Variants in LDB2 observed in about 807,000 individuals in gnomAD.
LDB2 encodes the protein LIM domain binding 2.
In LDB2, 12 loss-of-function variants were observed where a neutral mutation model predicts 44.3. That is an observed-to-expected ratio of 0.27 (90% CI 0.17 to 0.44). The LOEUF (loss-of-function observed/expected upper bound fraction) is 0.44, where lower values mean the gene tolerates loss of function less well. Ranked by LOEUF, LDB2 falls within the 20% of genes least tolerant of loss-of-function variation. The probability of loss-of-function intolerance (pLI) is 1.00; values close to 1 mark genes in which losing one functional copy is unlikely to be tolerated. For missense variants in LDB2, 344 were observed against 473.5 expected (o/e 0.73, Z 2.54); for synonymous variants, 164 against 174.8 (o/e 0.94, Z 0.49).
chr4:16,554,805 G>C (rs1250119426), intron 5 of LDB2, among the ~76,000 whole-genome samples: 1 of 152,152 alleles, frequency 6.6e-6, no homozygotes, highest in Admixed American at 6.5e-5. Flanking sequence ...AAGATTTTTA[G>C]GGCAGTGAAA....
intron 5 of LDB2, among the ~76,000 whole-genome samples, chr4:16,560,941 A>T (rs1252360479): frequency 6.6e-6 from 1 of 152,240 alleles, no homozygotes; most frequent in Non-Finnish European, 1.5e-5. Flanking sequence ...GTAATCCAGC[A>T]TATAAACAGA....
chr4:16,885,732 G>A (rs573459547), intron 1 of LDB2, among the ~76,000 whole-genome samples: 13 of 152,224 alleles, frequency 8.5e-5, no homozygotes, highest in African/African-American at 3.1e-4. Context: ...GCTGCCTTTT[G>A]ACTCAGAAAT....
chr4:16,629,133 G>A (rs1731160569), intron 2 of LDB2, among the ~76,000 whole-genome samples: 1 of 152,196 alleles, frequency 6.6e-6, no homozygotes, highest in African/African-American at 2.4e-5. Flanking sequence ...GCTCAAACTG[G>A]GTAGAGCCCA....
At chr4:16,555,909 A>G (rs1560460194) in intron 5 of LDB2, among the ~76,000 whole-genome samples, 1 of 152,054 alleles carries the variant, frequency 6.6e-6, no homozygotes, top group Non-Finnish European at 1.5e-5. Context: ...CTATCACCCC[A>G]TGCTCCAGCC....
chr4:16,521,797 A>C (rs1252105369), intron 5 of LDB2, among the ~76,000 whole-genome samples: 2 of 152,160 alleles, frequency 1.3e-5, no homozygotes, highest in Non-Finnish European at 2.9e-5. Context: ...CTTTATAAGC[A>C]TATGCTATAT....
chr4:16,520,116 G>A (rs1725428252), intron 5 of LDB2, among the ~76,000 whole-genome samples: 1 of 151,874 alleles, frequency 6.6e-6, no homozygotes, highest in African/African-American at 2.4e-5. Flanking sequence ...CCACAGCCAG[G>A]TTTTTTCACC....
intron 2 of LDB2, among the ~76,000 whole-genome samples, chr4:16,704,813 A>AGAC (rs1754250003): frequency 6.6e-6 from 1 of 152,256 alleles, no homozygotes; most frequent in Non-Finnish European, 1.5e-5. Flanking sequence ...TGGAAGCCAC[A>AGAC]GACTGCTTGC....
chr4:16,666,093 G>A lies in LDB2; in HGVS notation c.236-70218C>T, dbSNP rs565704975. Among the ~76,000 whole-genome samples the A allele has an allele frequency of 6.6e-5, 10 of 152,146 alleles. No homozygotes were observed. In the East Asian group the frequency reaches 7.7e-4, roughly 12 times the overall value. On this transcript the variant is annotated intron_variant, in intron 2 of 7. Coordinates refer to ENST00000304523, the MANE Select transcript of LDB2 (RefSeq NM_001290.5). ...GAATTGTGAGAGAGTACATTTCTGC[G>A]GTTTTAAGCAGCCTGGATTGTGGTA...
chr4:16,758,725 T>C (rs752739762), intron 2 of LDB2, among the ~76,000 whole-genome samples: 10 of 152,136 alleles, frequency 6.6e-5, no homozygotes, highest in Non-Finnish European at 1.3e-4. Flanking sequence ...AATAAATACC[T>C]GAGATAATTG....
At chr4:16,862,064 G>C (rs986216905) in intron 1 of LDB2, among the ~76,000 whole-genome samples, 1 of 152,082 alleles carries the variant, frequency 6.6e-6, no homozygotes, top group Admixed American at 6.6e-5. Flanking sequence ...AAAGGACATC[G>C]AGGCTGCCAC....
chr4:16,801,009 C>G (rs143769050), intron 1 of LDB2, among the ~76,000 whole-genome samples: 1 of 152,298 alleles, frequency 6.6e-6, no homozygotes, highest in African/African-American at 2.4e-5. Flanking sequence ...CTGATCTTCT[C>G]ACTCCCCATG....
chr4:16,684,075 C>T (rs1553961082), intron 2 of LDB2, among the ~76,000 whole-genome samples: 2 of 152,204 alleles, frequency 1.3e-5, no homozygotes, highest in Admixed American at 6.5e-5. Context: ...CTGGCAGCAA[C>T]TACTTTCCTC....
chr4:16,862,852 C>A (rs1713168753), intron 1 of LDB2, among the ~76,000 whole-genome samples: 1 of 152,044 alleles, frequency 6.6e-6, no homozygotes, highest in African/African-American at 2.4e-5. Flanking sequence ...CCCCGAAGTC[C>A]AGCAAATTTG....
intron 1 of LDB2, among the ~76,000 whole-genome samples, chr4:16,847,928 T>C (rs997162232): frequency 6.6e-6 from 1 of 152,210 alleles, no homozygotes; most frequent in Admixed American, 6.5e-5. Flanking sequence ...ACACATTTTT[T>C]AAAGTAATAT....
rs534896595 is a variant in LDB2 at position 16,541,426 on chromosome 4, CTA to C, written c.616-29324_616-29323del. ...CTCAGAAGCCAAGCAGATGCCAACA[CTA>C]TGTTTTCTCTACAGCCTGCAGAACC... On this transcript the variant is annotated intron_variant, in intron 5 of 7. Transcript: ENST00000304523. Among the ~76,000 whole-genome samples, 25 of 152,284 alleles carry C rather than the reference CTA, an allele frequency of 1.6e-4. 1 individual carries two copies. The South Asian group carries it at 4.4e-3, about 27-fold the overall frequency.
chr4:16,660,800 T>C (rs35824712), intron 2 of LDB2, among the ~76,000 whole-genome samples: 2,695 of 152,290 alleles, frequency 0.018, 32 homozygotes, highest in Non-Finnish European at 0.031. Context: ...AGAAGGACAC[T>C]GTAAGATTAG....
At chr4:16,514,423 C>G (rs1722899939) in intron 5 of LDB2, among the ~76,000 whole-genome samples, 1 of 152,186 alleles carries the variant, frequency 6.6e-6, no homozygotes, top group Non-Finnish European at 1.5e-5. Context: ...ATAATAGAGA[C>G]AGCAAGACTT....
intron 2 of LDB2, among the ~76,000 whole-genome samples, chr4:16,755,701 CT>C (rs1766493079): frequency 2.0e-5 from 3 of 152,138 alleles, no homozygotes; most frequent in Admixed American, 2.0e-4. Flanking sequence ...TACTGACCTG[CT>C]GCCAGGGAAT....
intron 1 of LDB2, among the ~76,000 whole-genome samples, chr4:16,873,963 C>T (rs146882388): frequency 2.6e-5 from 4 of 152,236 alleles, no homozygotes; most frequent in African/African-American, 9.6e-5. Context: ...TTTTGAGGCT[C>T]GTCCACGCTG....
Sources: allele counts gnomAD v4.1 joint callset (sites outside exome capture counted in the v4.1 genomes callset), GRCh38; gene constraint gnomAD v4.1.1; transcripts MANE v1.5; gene names NCBI Gene and HGNC (gene_info 2026-07-23, HGNC 2026-07-21).